Variants in PADI4 observed in about 807,000 individuals in gnomAD.
PADI4 encodes the protein protein-arginine deiminase type-4.
In PADI4, 62 loss-of-function variants were observed where a neutral mutation model predicts 75.0. The ratio of observed to expected loss-of-function variants is 0.83; its 90% confidence interval spans 0.67 to 1.02. PADI4 has a LOEUF of 1.02. Among genes scored for constraint, PADI4 ranks in the 50% least tolerant of loss-of-function variants. PADI4 has a pLI of 0.00. For synonymous variants in PADI4, 361 were observed against 348.1 expected, an observed-to-expected ratio of 1.04 and a Z score of -0.41; for missense variants, 845 against 850.5, an observed-to-expected ratio of 0.99 and a Z score of 0.08.
In PADI4 at chr1:17,356,515, C is replaced by A; in HGVS notation, c.1558+56C>A. 2.9e-6 allele frequency: 3 copies of A among 1,042,736 alleles called. No individual in the cohort carries two copies. Among genetic ancestry groups the A allele is most frequent in the South Asian group, 1.4e-5 (1 of 73,770 alleles). 64.6% of individuals were successfully genotyped at this position (1,042,736 alleles called of 1,614,324 possible). ...GTGCACCTTCCTGCTTCCCATAGTC[C>A]GCTGTTGCCTGGAGGGAATCATCCA... On this transcript the variant is annotated intron_variant, in intron 13 of 15. Transcript: ENST00000375448. The surrounding 1 kb of genome is among the most constrained non-coding windows in gnomAD (Gnocchi z 4.1).
chr1:17,312,297 T>C (rs999157353), intron 1 of PADI4, among the ~76,000 whole-genome samples: 5 of 151,876 alleles, frequency 3.3e-5, no homozygotes, highest in Admixed American at 1.3e-4. Flanking sequence ...CCATCTCTAC[T>C]AAAAATACAA....
chr1:17,351,248 G>A (rs1164563029), intron 10 of PADI4, among the ~76,000 whole-genome samples: 7 of 150,768 alleles, frequency 4.6e-5, no homozygotes, highest in South Asian at 2.1e-4. Context: ...AGAGTAGAGC[G>A]GAATGGAGGG....
In PADI4 at chr1:17,364,000, C is replaced by A; in HGVS notation, c.*245C>A. On this transcript the variant is annotated 3_prime_UTR_variant, in exon 16 of 16. Coordinates refer to ENST00000375448, the MANE Select transcript of PADI4 (RefSeq NM_012387.3). ...TAAAGTTTTTTTAAGTCACTTTGTACATGAGGTCAAGATGTTGTTGGTATC... is the reference window on the plus strand; with the variant it reads ...TAAAGTTTTTTTAAGTCACTTTGTAAATGAGGTCAAGATGTTGTTGGTATC... The A allele has an allele frequency of 2.7e-6, 1 of 377,246 alleles. No homozygotes were observed. Among genetic ancestry groups the A allele is most frequent in the Non-Finnish European group, 4.9e-6 (1 of 205,632 alleles). 23.4% of individuals were successfully genotyped at this position (377,246 alleles called of 1,614,324 possible). A position where few individuals can be genotyped will look rare whatever the true frequency, so the allele number is the denominator to read the frequency against.
chr1:17,349,974 G>A lies in PADI4; in HGVS notation c.1155+1926G>A, dbSNP rs575599050. Among the ~76,000 whole-genome samples, 8 of 123,390 alleles carry A rather than the reference G, an allele frequency of 6.5e-5. 1 individual carries two copies. Among genetic ancestry groups the A allele is most frequent in the Non-Finnish European group, 9.0e-5 (5 of 55,262 alleles). The allele number at this position is 123,390 out of a possible 152,430, so 80.9% of individuals were successfully genotyped here. On this transcript the variant is annotated intron_variant, in intron 10 of 15. Coordinates refer to ENST00000375448, the MANE Select transcript of PADI4 (RefSeq NM_012387.3). ...GCTTGCAGTGCTGTTCCCTGTTCAC[G>A]GGGCTGGCTGCTTCTCAGCCTTCAG...
chr1:17,362,032 G>A (rs1365518382), intron 15 of PADI4, among the ~76,000 whole-genome samples: 1 of 152,106 alleles, frequency 6.6e-6, no homozygotes, highest in Non-Finnish European at 1.5e-5. Flanking sequence ...TTTACCAGAA[G>A]GTGACAGGTA....
intron 9 of PADI4, among the ~76,000 whole-genome samples, chr1:17,347,457 A>G (rs2074536774): frequency 6.6e-6 from 1 of 151,670 alleles, no homozygotes; most frequent in Admixed American, 6.6e-5. Context: ...CTGCTGCTCC[A>G]GTGGCCCAGG....
At chr1:17,317,925 G>A (rs548926120) in intron 1 of PADI4, among the ~76,000 whole-genome samples, 3 of 152,308 alleles carry the variant, frequency 2.0e-5, no homozygotes, top group Admixed American at 2.0e-4. Flanking sequence ...TCAGGAGGCT[G>A]AGGCCGGAGG....
chr1:17,312,165 A>G (rs915966637), intron 1 of PADI4, among the ~76,000 whole-genome samples: 2 of 152,114 alleles, frequency 1.3e-5, no homozygotes, highest in Non-Finnish European at 2.9e-5. Context: ...TAAAGGGAAA[A>G]GAGTGGGAAT....
rs1202243825 is a variant in PADI4, at chr1:17,354,686, A to G, written c.1309A>G (p.Ser437Gly). The change falls in exon 11 of 16, where the codon AGC becomes GGC. Residue 437 changes from serine to glycine, a missense_variant and splice_region_variant. Physicochemically the swap from Ser to Gly is moderately conservative, Grantham distance 56. Coordinates refer to ENST00000375448, the MANE Select transcript of PADI4 (RefSeq NM_012387.3). ...TCTCTTCGGGGACAGCTGTTATCCC[A>G]GGTAAGGAGGGGAGTAACAGGAAGG... ...RILFGDSCYP[S>G]NDSRQMHQAL... The G allele has an allele frequency of 1.9e-6, 3 of 1,599,322 alleles. No individual in the cohort carries two copies. The highest frequency in any genetic ancestry group is 3.3e-4 in the Middle Eastern group (2 of 5,996).
chr1:17,310,992 G>A (rs2073814157), intron 1 of PADI4, among the ~76,000 whole-genome samples: 1 of 151,982 alleles, frequency 6.6e-6, no homozygotes, highest in Non-Finnish European at 1.5e-5. Context: ...AGCTACTTGG[G>A]AGGCTGAGGC....
intron 1 of PADI4, among the ~76,000 whole-genome samples, chr1:17,328,583 G>A (rs1442268475): frequency 2.6e-5 from 4 of 151,960 alleles, no homozygotes; most frequent in African/African-American, 9.7e-5. Context: ...GGAGGTCAAG[G>A]CTGCAGTGAA....
intron 2 of PADI4, 134 bp downstream of exon 2, chr1:17,331,283 T>C: frequency 1.4e-6 from 1 of 699,728 alleles, no homozygotes; most frequent in Non-Finnish European, 2.4e-6. Flanking sequence ...TGATGGCTTC[T>C]TCCAGCCATA....
intron 10 of PADI4, among the ~76,000 whole-genome samples, chr1:17,351,201 G>GA (rs61284318): frequency 0.042 from 3,191 of 76,778 alleles, 126 homozygotes; most frequent in African/African-American, 0.076. Flanking sequence ...TGTCCCAGAG[G>GA]AAAAAAAAAA....
intron 1 of PADI4, among the ~76,000 whole-genome samples, chr1:17,320,679 CCAGAAGTCACTCTCGT>C (rs2074018580): frequency 6.6e-6 from 1 of 152,122 alleles, no homozygotes; most frequent in African/African-American, 2.4e-5. Flanking sequence ...GTGAGGACGA[CCAGAAGTCACTCTCGT>C]CATCGTCTTG....
At position 17,331,255 on chromosome 1, in the gene PADI4, G is replaced by A. The variant is rs542971269; in HGVS notation, c.273+106G>A. ...CAGCACCAGCCTGGCAGAGCCTCTT[G>A]CCCTGTGGAAGAGCTCGTGATGGCT... On this transcript the variant is annotated intron_variant, in intron 2 of 15. Transcript: ENST00000375448. 128 of 975,830 alleles carry A rather than the reference G, an allele frequency of 1.3e-4. No individual in the cohort carries two copies. The South Asian group carries it at 2.0e-3, about 15-fold the overall frequency. The allele number at this position is 975,830 out of a possible 1,614,324, so 60.4% of individuals were successfully genotyped here. A position where few individuals can be genotyped will look rare whatever the true frequency, so the allele number is the denominator to read the frequency against.
At chr1:17,352,332 C>A (rs1019356070) in intron 10 of PADI4, among the ~76,000 whole-genome samples, 3 of 151,750 alleles carry the variant, frequency 2.0e-5, no homozygotes, top group African/African-American at 7.3e-5. Context: ...ACGGGATGAC[C>A]GGATGGGGTT....
intron 8 of PADI4, 100 bp downstream of exon 8, chr1:17,342,502 C>A: frequency 1.4e-6 from 1 of 708,614 alleles, no homozygotes; most frequent in Non-Finnish European, 2.4e-6. Context: ...CACCCCTCCC[C>A]TGCCCACTGA....
intron 1 of PADI4, among the ~76,000 whole-genome samples, chr1:17,314,524 AT>A (rs1328735860): frequency 6.6e-6 from 1 of 152,098 alleles, no homozygotes; most frequent in Non-Finnish European, 1.5e-5. Context: ...ATTTATTGTT[AT>A]TATTAGTAGC....
chr1:17,361,157 C>T (rs1408155309), intron 15 of PADI4, among the ~76,000 whole-genome samples: 2 of 144,386 alleles, frequency 1.4e-5, no homozygotes, highest in Non-Finnish European at 3.1e-5. Context: ...GCCAGCCCCA[C>T]CTGGGGCTCC....
Sources: allele counts gnomAD v4.1 joint callset (sites outside exome capture counted in the v4.1 genomes callset), GRCh38; gene constraint gnomAD v4.1.1; non-coding constraint Gnocchi (gnomAD v3.1); transcripts MANE v1.5; gene names NCBI Gene and HGNC (gene_info 2026-07-23, HGNC 2026-07-21).